Variants in TEX11 observed in about 807,000 individuals in gnomAD.
TEX11 encodes testis expressed 11, also known as testis-expressed protein 11.
A neutral mutation model predicts 84.4 loss-of-function variants in TEX11; 7 were observed. The ratio of observed to expected loss-of-function variants is 0.08; its 90% CI spans 0.05 to 0.16. TEX11 has a LOEUF of 0.16. Ranked by LOEUF, TEX11 falls within the 10% of genes least tolerant of loss-of-function variation. The probability of loss-of-function intolerance (pLI) is 1.00; values close to 1 mark genes in which losing one functional copy is unlikely to be tolerated. For missense variants in TEX11, 551 were observed against 660.5 expected, an observed-to-expected ratio of 0.83 and a Z score of 1.82; for synonymous variants, 264 against 222.8, an observed-to-expected ratio of 1.18 and a Z score of -1.64.
rs187138044 is a variant in TEX11 at position 70,832,382 on chromosome X, C to T, written c.606+1131G>A. Reference sequence around the variant, plus strand: ...GAACATTATTGGAAAATTTGAATGACGTTTCCAAGCAAAGGATATACAGGA... The same window carrying T: ...GAACATTATTGGAAAATTTGAATGATGTTTCCAAGCAAAGGATATACAGGA... On this transcript the variant is annotated intron_variant, in intron 8 of 29. Coordinates refer to ENST00000374333, the MANE Select transcript of TEX11 (RefSeq NM_031276.3). Among the ~76,000 whole-genome samples the T allele has an allele frequency of 4.8e-4, 54 of 111,865 alleles. 1 individual carries two copies. In the East Asian group the frequency reaches 0.011, roughly 22 times the overall value.
intron 18 of TEX11, among the ~76,000 whole-genome samples, chrX:70,625,518 C>T (rs1178326361): frequency 9.0e-6 from 1 of 111,151 alleles, no homozygotes; most frequent in Non-Finnish European, 1.9e-5. Context: ...CACTAGCTTA[C>T]CCATAGGCCT....
At chrX:70,572,183 G>A (rs2088609102) in intron 25 of TEX11, among the ~76,000 whole-genome samples, 1 of 109,117 alleles carries the variant, frequency 9.2e-6, no homozygotes. Flanking sequence ...ATCAAAAAGT[G>A]GGCAAAGGAT....
At chrX:70,592,695 T>C (rs751831879) in intron 24 of TEX11, among the ~76,000 whole-genome samples, 1 of 111,042 alleles carries the variant, frequency 9.0e-6, no homozygotes, top group African/African-American at 3.3e-5. Flanking sequence ...ACTCATACAA[T>C]TGGATTGTCA....
chrX:70,779,406 C>A, intron 9 of TEX11, among the ~76,000 whole-genome samples: 1 of 93,208 alleles, frequency 1.1e-5, no homozygotes, highest in Non-Finnish European at 2.1e-5. Context: ...CAGAGTGAGA[C>A]CCCGTCTCAA....
intron 28 of TEX11, among the ~76,000 whole-genome samples, chrX:70,546,635 A>T (rs1026165401): frequency 9.0e-6 from 1 of 111,517 alleles, no homozygotes; most frequent in African/African-American, 3.3e-5. Flanking sequence ...TGAAAAAATG[A>T]TCATCACCAT....
In TEX11 at chrX:70,883,838, C is replaced by T. The variant is rs769933563; in HGVS notation, c.38-3729G>A. Among the ~76,000 whole-genome samples the T allele has an allele frequency of 3.1e-4, 35 of 111,226 alleles. No homozygotes were observed. In the South Asian group the frequency reaches 8.0e-3, roughly 25 times the overall value. ...ATTAAGTAGATAACATTCTAGGTAC[C>T]GTATAATAGAAAATAAACATTTTCC... On this transcript the variant is annotated intron_variant, in intron 2 of 29. Transcript: ENST00000374333.
At chrX:70,609,541 G>A (rs1394591009) in intron 21 of TEX11, among the ~76,000 whole-genome samples, 1 of 112,232 alleles carries the variant, frequency 8.9e-6, no homozygotes, top group African/African-American at 3.2e-5. Context: ...TCAATATGCT[G>A]GCATAATATT....
chrX:70,521,649 T>C, the TEX11 span, among the ~76,000 whole-genome samples: 11 of 111,726 alleles, frequency 9.8e-5, no homozygotes, highest in East Asian at 2.8e-3. Context: ...AGGGACTGTT[T>C]GCTGTTTATT....
intron 9 of TEX11, among the ~76,000 whole-genome samples, chrX:70,806,091 C>T (rs773405868): frequency 1.8e-5 from 2 of 111,844 alleles, no homozygotes; most frequent in African/African-American, 6.5e-5. Context: ...GCAACAACAA[C>T]AAAATTTTCT....
intron 25 of TEX11, among the ~76,000 whole-genome samples, chrX:70,589,644 T>C (rs981561831): frequency 1.8e-5 from 2 of 111,241 alleles, no homozygotes; most frequent in African/African-American, 6.5e-5. Flanking sequence ...TGTCTCAGGC[T>C]CCCAAGTAGC....
chrX:70,670,436 A>G lies in TEX11; in HGVS notation c.1321T>C (p.Phe441Leu), dbSNP rs1392265395. Residue 441 changes from phenylalanine (F) to leucine (L), a missense_variant, in exon 16 of 30, where the codon TTC (phenylalanine) becomes CTC (leucine). Transcript: ENST00000374333. ...GCCATGTTCCTCTGCAGCTTGGTGA[A>G]GTCCAGATCCATTTCATCAGTTGAA... The part of the protein sequence containing the change: ...FYSTDEMDLD[F>L]TKLQRNMACC... 2 of 1,210,597 alleles carry G rather than the reference A, an allele frequency of 1.7e-6. No homozygotes were observed. The highest frequency in any genetic ancestry group is 2.2e-6 in the Non-Finnish European group (2 of 894,922).
At chrX:70,585,763 T>A (rs1358779441) in intron 25 of TEX11, among the ~76,000 whole-genome samples, 1 of 112,264 alleles carries the variant, frequency 8.9e-6, no homozygotes, top group Non-Finnish European at 1.9e-5. Flanking sequence ...CAAAGAATAG[T>A]CTCTTCAGGC....
At position 70,891,370 on chromosome X, in the gene TEX11, T is replaced by C. The variant is rs1434424660; in HGVS notation, c.38-11261A>G. On this transcript the variant is annotated intron_variant, in intron 2 of 29. Coordinates refer to ENST00000374333, the MANE Select transcript of TEX11 (RefSeq NM_031276.3). ...TCACCAACAATGGAACAAAGCTGGATGGAGAATGACTTTGACGAGCTGACA... is the reference window on the plus strand; with the variant it reads ...TCACCAACAATGGAACAAAGCTGGACGGAGAATGACTTTGACGAGCTGACA... 2.7e-5 allele frequency among the ~76,000 whole-genome samples: 3 copies of C among 111,694 alleles called. No individual in the cohort carries two copies. The Admixed American group carries it at 2.9e-4, about 11-fold the overall frequency.
At chrX:70,811,178 C>A (rs1416521023) in intron 8 of TEX11, among the ~76,000 whole-genome samples, 1 of 106,884 alleles carries the variant, frequency 9.4e-6, no homozygotes. Flanking sequence ...CTCCCCCCTG[C>A]CCCCACCCCA....
intron 17 of TEX11, among the ~76,000 whole-genome samples, chrX:70,642,095 C>A (rs770599763): frequency 2.7e-5 from 3 of 110,284 alleles, no homozygotes; most frequent in Admixed American, 1.9e-4. Flanking sequence ...ATATCACCAC[C>A]GATCCCACAG....
At chrX:70,722,745 GC>G (rs2090570173) in intron 12 of TEX11, 49 bp from the exon 13 acceptor site, 2 of 981,946 alleles carry the variant, frequency 2.0e-6, no homozygotes, top group African/African-American at 1.9e-5. Context: ...TTTTGAGGAA[GC>G]TTAGTTATTT....
At chrX:70,827,277 G>T (rs1024829774) in intron 8 of TEX11, among the ~76,000 whole-genome samples, 1 of 111,812 alleles carries the variant, frequency 8.9e-6, no homozygotes, top group Non-Finnish European at 1.9e-5. Context: ...ACGACCCAGG[G>T]AGTACACCAT....
At chrX:70,570,550 C>T (rs2088580703) in intron 25 of TEX11, among the ~76,000 whole-genome samples, 1 of 112,363 alleles carries the variant, frequency 8.9e-6, no homozygotes, top group Non-Finnish European at 1.9e-5. Flanking sequence ...GCCATCTTGG[C>T]TCCAACCCAA....
chrX:70,565,227 T>C (rs894184860), intron 25 of TEX11, among the ~76,000 whole-genome samples: 20 of 107,494 alleles, frequency 1.9e-4, no homozygotes, highest in Admixed American at 1.2e-3. Context: ...TCTGTTCATG[T>C]CCTTCACCCA....
Sources: allele counts gnomAD v4.1 joint callset (sites outside exome capture counted in the v4.1 genomes callset), GRCh38; gene constraint gnomAD v4.1.1; transcripts MANE v1.5; gene names NCBI Gene and HGNC (gene_info 2026-07-23, HGNC 2026-07-21).